The following PIK3R2 variants were observed in gnomAD, a reference collection of about 807,000 sequenced individuals.
PIK3R2 encodes phosphoinositide-3-kinase regulatory subunit 2.
Under a neutral mutation model 78.5 loss-of-function variants are expected in PIK3R2, and 40 were observed. The ratio of observed to expected loss-of-function variants is 0.51; its 90% CI spans 0.40 to 0.66. PIK3R2 has a LOEUF of 0.66. Ranked by LOEUF, PIK3R2 falls within the 30% of genes least tolerant of loss-of-function variation. The pLI, the probability that PIK3R2 is intolerant of heterozygous loss-of-function variation, is 0.00. For synonymous variants in PIK3R2, 473 were observed against 457.7 expected (o/e 1.03, Z -0.43); for missense variants, 880 against 1,026.6 (o/e 0.86, Z 1.95).
chr19:18,162,060 C>T lies in PIK3R2; in HGVS notation c.901+9C>T, dbSNP rs1235992739. The stretch of plus-strand genomic sequence containing the variant: ...GGAGGTTGCGCCCCCAGGTGAGTCC[C>T]CTGTATTGCTGTCATTTCTTCCCGT... On this transcript the variant is annotated intron_variant, in intron 7 of 15. Transcript: ENST00000222254. The T allele has an allele frequency of 6.2e-7, 1 of 1,611,582 alleles. No individual in the cohort carries two copies. The highest frequency in any genetic ancestry group is 1.1e-5 in the South Asian group (1 of 91,048).
chr19:18,156,184 A>C lies in PIK3R2; in HGVS notation c.305A>C (p.Asp102Ala), dbSNP rs952018297. ...GPRPLPARPR[D>A]GAPEPGLTLP... ...CGCCCACTGCCCGCCAGGCCCCGTG[A>C]TGGGGCCCCTGAGCCAGGTGAGCAG... Residue 102 changes from aspartate (D) to alanine (A), a missense_variant, in exon 2 of 16, where the codon GAT (aspartate) becomes GCT (alanine). Asp to Ala is a moderately radical substitution (Grantham distance 126). Around this residue, in one of 3 missense-constraint regions of PIK3R2, gnomAD observed 456 missense variants for 486.6 expected, o/e 0.94. Coordinates refer to ENST00000222254, the MANE Select transcript of PIK3R2 (RefSeq NM_005027.4). The surrounding 1 kb of genome is among the most constrained non-coding windows in gnomAD (Gnocchi z 4.2). The C allele has an allele frequency of 1.2e-5, 18 of 1,460,944 alleles. No homozygotes were observed. In the African/African-American group the frequency reaches 2.7e-4, roughly 22 times the overall value. 90.5% of individuals were successfully genotyped at this position (1,460,944 alleles called of 1,614,324 possible).
chr19:18,164,901 TAAA>T (rs111954526), intron 11 of PIK3R2, among the ~76,000 whole-genome samples: 3 of 130,338 alleles, frequency 2.3e-5, no homozygotes, highest in Non-Finnish European at 1.6e-5. Flanking sequence ...CTCCCAAAGT[TAAA>T]AAAAAAAAAA....
At chr19:18,163,211 G>A (rs1276498479) in intron 10 of PIK3R2, 52 bp from the exon 11 acceptor site, 1 of 1,613,900 alleles carries the variant, frequency 6.2e-7, no homozygotes, top group Non-Finnish European at 8.5e-7. Flanking sequence ...CAGTTTCCTA[G>A]GTAGACCCGA....
intron 15 of PIK3R2, 82 bp from the exon 16 acceptor site, chr19:18,169,005 C>T: frequency 2.6e-6 from 4 of 1,559,158 alleles, no homozygotes; most frequent in East Asian, 2.3e-5. Context: ...TCATCCGGGA[C>T]AGGGGAGCAC....
At position 18,162,050 on chromosome 19, in the gene PIK3R2, A is replaced by T. The variant is rs1224478408; in HGVS notation, c.900A>T (p.Pro300=). The T allele has an allele frequency of 6.2e-7, 1 of 1,613,494 alleles. No homozygotes were observed. The highest frequency in any genetic ancestry group is 8.5e-7 in the Non-Finnish European group (1 of 1,179,610). Residue 300 remains proline, a splice_region_variant and synonymous_variant, in exon 7 of 16, where the codon CCA becomes CCT. Transcript: ENST00000222254. ...EHLEEQEVAP[P]ALPPKPPKAK... ...TGGAAGAGCAGGAGGTTGCGCCCCC[A>T]GGTGAGTCCCCTGTATTGCTGTCAT... is the stretch of plus-strand genomic sequence containing the variant.
Position 18,160,412 on chromosome 19 carries a change from G to C in PIK3R2, c.323-59G>C, listed in dbSNP as rs558104931. ...AGCTGAGGTTCAGCCAGCAAAGAGA[G>C]GGGCTGGGCTCCTTCCAGGAACCCC... On this transcript the variant is annotated intron_variant, in intron 2 of 15. Coordinates refer to ENST00000222254, the MANE Select transcript of PIK3R2 (RefSeq NM_005027.4). The C allele has an allele frequency of 6.8e-6, 7 of 1,036,018 alleles. No individual in the cohort carries two copies. The African/African-American group carries it at 1.1e-4, about 16-fold the overall frequency. 64.2% of individuals were successfully genotyped at this position (1,036,018 alleles called of 1,614,324 possible). A position where few individuals can be genotyped will look rare whatever the true frequency, so the allele number is the denominator to read the frequency against.
chr19:18,164,061 G>A (rs2043781807), intron 11 of PIK3R2, among the ~76,000 whole-genome samples: 1 of 152,176 alleles, frequency 6.6e-6, no homozygotes, highest in Admixed American at 6.6e-5. Flanking sequence ...GGGAGGCAGA[G>A]ATTGCAATGA....
In PIK3R2 at chr19:18,162,507, G is replaced by C; in HGVS notation, c.1109+1G>C. ...AGGGCGAGTACACGCTGACCCTCAG[G>C]TGGGGGCCTGTCCCTGCAAGGATAA... On this transcript the variant is annotated splice_donor_variant, in intron 9 of 15. Coordinates refer to ENST00000222254, the MANE Select transcript of PIK3R2 (RefSeq NM_005027.4). LOFTEE classifies it high-confidence loss of function. 1 of 1,612,054 alleles carries C rather than the reference G, an allele frequency of 6.2e-7. No individual in the cohort carries two copies. Among genetic ancestry groups the C allele is most frequent in the Non-Finnish European group, 8.5e-7 (1 of 1,179,048 alleles).
rs2043826065 is a variant in PIK3R2, at chr19:18,167,960, C to T, written c.1737-515C>T. Among the ~76,000 whole-genome samples, 1 of 152,184 alleles carries T rather than the reference C, an allele frequency of 6.6e-6. No homozygotes were observed. On this transcript the variant is annotated intron_variant, in intron 13 of 15. Transcript: ENST00000222254. The surrounding 1 kb of genome is among the most constrained non-coding windows in gnomAD (Gnocchi z 4.5). The stretch of plus-strand genomic sequence containing the variant: ...TGGGTTCAAATCAGTTCAAATCCTG[C>T]CCCCACCCACCAACCTCCTGAAGAC...
chr19:18,157,710 C>T (rs2043692711), intron 2 of PIK3R2, among the ~76,000 whole-genome samples: 2 of 151,842 alleles, frequency 1.3e-5, no homozygotes, highest in African/African-American at 4.8e-5. Flanking sequence ...TGTCACCCAC[C>T]TCCACCTCCT....
intron 8 of PIK3R2, 42 bp from the exon 9 acceptor site, chr19:18,162,366 C>T (rs530000773): frequency 6.2e-7 from 1 of 1,601,644 alleles, no homozygotes; most frequent in African/African-American, 1.3e-5. Flanking sequence ...TGAGCGGGGT[C>T]TCCAGGTGGC....
intron 11 of PIK3R2, 176 bp from the exon 12 acceptor site, chr19:18,165,984 T>C: frequency 1.3e-6 from 1 of 772,824 alleles, no homozygotes; most frequent in South Asian, 1.4e-5. Context: ...GTTTGGGGGG[T>C]GGGGTTTTGA....
At position 18,161,933 on chromosome 19, in the gene PIK3R2, C is replaced by T. The variant is rs1390975466; in HGVS notation, c.816-33C>T. Reference sequence around the variant, plus strand: ...CACATGCGTGGGCGGACAGGCCCTACCCAGCCCTCACCACACTCCCCTTCC... The same window carrying T: ...CACATGCGTGGGCGGACAGGCCCTATCCAGCCCTCACCACACTCCCCTTCC... On this transcript the variant is annotated intron_variant, in intron 6 of 15. Transcript: ENST00000222254. The surrounding 1 kb of genome is among the most constrained non-coding windows in gnomAD (Gnocchi z 5.3). The T allele has an allele frequency of 8.8e-6, 14 of 1,583,756 alleles. No individual in the cohort carries two copies. Among genetic ancestry groups the T allele is most frequent in the Non-Finnish European group, 1.2e-5 (14 of 1,152,736 alleles).
chr19:18,167,515 C>T lies in PIK3R2; in HGVS notation c.1736+209C>T, dbSNP rs535954553. ...AGAGGTGTGTGCAATGGGAGTGTCACTCCTATCCCATTCCATTTTGTGGAA... is the reference window on the plus strand; with the variant it reads ...AGAGGTGTGTGCAATGGGAGTGTCATTCCTATCCCATTCCATTTTGTGGAA... On this transcript the variant is annotated intron_variant, in intron 13 of 15. Coordinates refer to ENST00000222254, the MANE Select transcript of PIK3R2 (RefSeq NM_005027.4). The surrounding 1 kb of genome is among the most constrained non-coding windows in gnomAD (Gnocchi z 4.5). Among the ~76,000 whole-genome samples, 1 of 152,276 alleles carries T rather than the reference C, an allele frequency of 6.6e-6. No individual in the cohort carries two copies. The highest frequency in any genetic ancestry group is 1.9e-4 in the East Asian group (1 of 5,188).
Position 18,169,501 on chromosome 19 carries a change from C to T in PIK3R2, c.*207C>T, listed in dbSNP as rs1967130351. 2 of 347,182 alleles carry T rather than the reference C, an allele frequency of 5.8e-6. No individual in the cohort carries two copies. The highest frequency in any genetic ancestry group is 1.0e-5 in the Non-Finnish European group (2 of 191,838). The allele number at this position is 347,182 out of a possible 1,614,324, so 21.5% of individuals were successfully genotyped here. A position where few individuals can be genotyped will look rare whatever the true frequency, so the allele number is the denominator to read the frequency against. On this transcript the variant is annotated 3_prime_UTR_variant, in exon 16 of 16. Transcript: ENST00000222254. Reference sequence around the variant, plus strand: ...CCTCTGTCTCCTTTTCTCTGTCTTTCTTGGCCCCTGTCTCTCTCCATGTTG... The same window carrying T: ...CCTCTGTCTCCTTTTCTCTGTCTTTTTTGGCCCCTGTCTCTCTCCATGTTG...
intron 2 of PIK3R2, among the ~76,000 whole-genome samples, chr19:18,157,192 G>A (rs544327102): frequency 1.4e-4 from 22 of 152,318 alleles, no homozygotes; most frequent in Non-Finnish European, 2.5e-4. Context: ...GAGGTGGTGC[G>A]ACGCTGGCCC....
In PIK3R2 at chr19:18,155,698, G is replaced by T; in HGVS notation, c.-182G>T. ...CCAGTGACGAGTGGCCCTTGTAAGG[G>T]TCATGGAATAATTTGAAGCGAGGCA... On this transcript the variant is annotated 5_prime_UTR_variant, in exon 2 of 16. Transcript: ENST00000222254. 1 of 581,876 alleles carries T rather than the reference G, an allele frequency of 1.7e-6. No homozygotes were observed. The highest frequency in any genetic ancestry group is 3.0e-6 in the Non-Finnish European group (1 of 332,442). The allele number at this position is 581,876 out of a possible 1,614,324, so 36.0% of individuals were successfully genotyped here. A position where few individuals can be genotyped will look rare whatever the true frequency, so the allele number is the denominator to read the frequency against.
In PIK3R2 at chr19:18,166,162, G is replaced by A; in HGVS notation, c.1419G>A (p.Glu473=). ...CTGAGCTGCGCCCCCTCCTCCAGGAGCTGCAGATGAAGCGTACTGCAATTG... is the reference window on the plus strand; with the variant it reads ...CTGAGCTGCGCCCCCTCCTCCAGGAACTGCAGATGAAGCGTACTGCAATTG... ...LYEEYTRTSQ[E]LQMKRTAIEA... Residue 473 remains glutamate, a splice_region_variant and synonymous_variant, in exon 12 of 16, where the codon GAG becomes GAA. Transcript: ENST00000222254. The A allele has an allele frequency of 1.2e-6, 2 of 1,613,908 alleles. No homozygotes were observed. Among genetic ancestry groups the A allele is most frequent in the Non-Finnish European group, 1.7e-6 (2 of 1,179,894 alleles).
Position 18,161,226 on chromosome 19 carries a change from G to A in PIK3R2, c.598+41G>A. On this transcript the variant is annotated intron_variant, in intron 5 of 15. Transcript: ENST00000222254. This position sits in a 1 kb window ranked among gnomAD's most constrained non-coding sequence, Gnocchi z 5.3. Reference sequence around the variant, plus strand: ...AGCCCGGGGGAAGGAGGGGGCTGTAGCGGGTGGGAGGGCCCAGGCCTGGCT... The same window carrying A: ...AGCCCGGGGGAAGGAGGGGGCTGTAACGGGTGGGAGGGCCCAGGCCTGGCT... The A allele has an allele frequency of 5.9e-6, 9 of 1,520,042 alleles. No homozygotes were observed. The highest frequency in any genetic ancestry group is 7.9e-6 in the Non-Finnish European group (9 of 1,136,458). The allele number at this position is 1,520,042 out of a possible 1,614,324, so 94.2% of individuals were successfully genotyped here.
Sources: gnomAD v4.1 joint callset for allele counts (sites outside exome capture counted in the v4.1 genomes callset) on GRCh38, gnomAD v4.1.1 for gene constraint, gnomAD v4.1.1 regional missense constraint, Gnocchi (gnomAD v3.1) non-coding constraint, MANE v1.5 for transcripts, NCBI Gene and HGNC (gene_info 2026-07-23, HGNC 2026-07-21) for gene names.